Variants in ASPH observed in about 807,000 individuals in gnomAD.
The protein encoded by ASPH is aspartate beta-hydroxylase.
A neutral mutation model predicts 118.4 loss-of-function variants in ASPH; 100 were observed. The ratio of observed to expected loss-of-function variants is 0.84; its 90% CI spans 0.72 to 1.00. The LOEUF (loss-of-function observed/expected upper bound fraction) is 1.00. ASPH is among the 50% of genes least tolerant of loss of function. ASPH has a pLI of 0.00. For missense variants in ASPH, 920 were observed against 919.5 expected (o/e 1.00, Z -0.01); for synonymous variants, 315 against 325.6 (o/e 0.97, Z 0.35).
chr8:61,534,285 C>A (rs1249299592), intron 21 of ASPH, among the ~76,000 whole-genome samples: 1 of 152,148 alleles, frequency 6.6e-6, no homozygotes, highest in African/African-American at 2.4e-5. Context: ...ATTGAATTTT[C>A]TTTCTTTACT....
intron 14 of ASPH, among the ~76,000 whole-genome samples, chr8:61,600,059 C>A (rs1391326302): frequency 1.3e-5 from 2 of 151,886 alleles, no homozygotes; most frequent in African/African-American, 4.8e-5. Flanking sequence ...AATAACAGAC[C>A]ATGATCAAGT....
In ASPH at chr8:61,693,871, A is replaced by G. The variant is rs116746740; in HGVS notation, c.104-9683T>C. Among the ~76,000 whole-genome samples, 422 of 152,206 alleles carry G rather than the reference A, an allele frequency of 2.8e-3. 2 individuals carry two copies. The highest frequency in any genetic ancestry group is 9.8e-3 in the African/African-American group (405 of 41,508). ...ACTCATGAGCCTTTGTTGCTCCTCT[A>G]TCAGTTCACTGCGTGGACTGCCGTG... On this transcript the variant is annotated intron_variant, in intron 1 of 24. Transcript: ENST00000379454.
At chr8:61,608,605 A>G (rs1419121880) in intron 14 of ASPH, among the ~76,000 whole-genome samples, 2 of 152,182 alleles carry the variant, frequency 1.3e-5, no homozygotes, top group East Asian at 3.8e-4. Flanking sequence ...GGATTCAAAT[A>G]TTGTCAAAAA....
At chr8:61,531,267 G>A (rs1010739386) in intron 21 of ASPH, among the ~76,000 whole-genome samples, 28 of 151,930 alleles carry the variant, frequency 1.8e-4, no homozygotes, top group Non-Finnish European at 3.5e-4. Context: ...TAACCCTCCC[G>A]CAGCCATTTG....
intron 10 of ASPH, among the ~76,000 whole-genome samples, chr8:61,641,566 C>T (rs994277402): frequency 3.3e-5 from 5 of 152,142 alleles, no homozygotes; most frequent in African/African-American, 1.2e-4. Flanking sequence ...ACCTTAAAGA[C>T]ACAACCTAGG....
At chr8:61,558,259 T>A (rs1042731571) in intron 18 of ASPH, among the ~76,000 whole-genome samples, 2 of 152,088 alleles carry the variant, frequency 1.3e-5, no homozygotes, top group African/African-American at 4.8e-5. Context: ...CTGAAAGGTA[T>A]TTAGGGATAA....
At chr8:61,596,649 G>A (rs1842587707) in intron 14 of ASPH, among the ~76,000 whole-genome samples, 1 of 152,156 alleles carries the variant, frequency 6.6e-6, no homozygotes, top group Non-Finnish European at 1.5e-5. Context: ...ACACAGCCAA[G>A]GAAATCATAC....
intron 1 of ASPH, among the ~76,000 whole-genome samples, chr8:61,713,417 C>A (rs979005260): frequency 5.9e-5 from 9 of 152,164 alleles, no homozygotes; most frequent in East Asian, 1.9e-4. Context: ...AATGCATGAT[C>A]TGAAGATCTC....
intron 3 of ASPH, among the ~76,000 whole-genome samples, chr8:61,677,628 C>T (rs943962965): frequency 6.6e-6 from 1 of 152,116 alleles, no homozygotes; most frequent in Non-Finnish European, 1.5e-5. Context: ...ACGCAAATTG[C>T]AGTTGGTATT....
intron 24 of ASPH, among the ~76,000 whole-genome samples, chr8:61,515,669 T>A (rs1810636977): frequency 6.6e-6 from 1 of 152,162 alleles, no homozygotes; most frequent in Non-Finnish European, 1.5e-5. Context: ...AGCAACTAAA[T>A]AAAATACATA....
intron 14 of ASPH, 78 bp from the exon 15 acceptor site, chr8:61,584,107 T>A: frequency 1.1e-6 from 1 of 900,458 alleles, no homozygotes; most frequent in Non-Finnish European, 1.7e-6. Context: ...TTACAAGTAG[T>A]GGGAAACCTG....
chr8:61,553,003 G>C (rs1429029823), intron 20 of ASPH, 28 bp downstream of exon 20: 12 of 1,521,976 alleles, frequency 7.9e-6, no homozygotes, highest in African/African-American at 1.4e-5. Context: ...CTCTGTTAGA[G>C]AGAATCAGAA....
At chr8:61,541,678 T>A (rs1040409663) in intron 21 of ASPH, among the ~76,000 whole-genome samples, 1 of 151,888 alleles carries the variant, frequency 6.6e-6, no homozygotes, top group African/African-American at 2.4e-5. Context: ...TGACGTTACT[T>A]TTTTTTTAAG....
chr8:61,553,452 A>AT (rs1158257039), intron 19 of ASPH, among the ~76,000 whole-genome samples: 1 of 152,180 alleles, frequency 6.6e-6, no homozygotes, highest in Non-Finnish European at 1.5e-5. Flanking sequence ...TCTTACATTT[A>AT]TTTTGCTCTC....
intron 3 of ASPH, chr8:61,663,372 C>T: frequency 1.0e-6 from 1 of 985,436 alleles, no homozygotes; most frequent in Non-Finnish European, 1.2e-6. Context: ...GGAATTATCT[C>T]TCCCAGAGCC....
intron 14 of ASPH, among the ~76,000 whole-genome samples, chr8:61,599,971 A>G (rs910673956): frequency 6.6e-6 from 1 of 152,190 alleles, no homozygotes; most frequent in Non-Finnish European, 1.5e-5. Context: ...AGAACAACAA[A>G]AAAATACACA....
At position 61,577,546 on chromosome 8, in the gene ASPH, TA is replaced by T. The variant is rs944877927; in HGVS notation, c.1063-689del. Among the ~76,000 whole-genome samples the T allele has an allele frequency of 9.2e-5, 14 of 152,102 alleles. 1 individual carries two copies. Among genetic ancestry groups the T allele is most frequent in the African/African-American group, 3.4e-4 (14 of 41,412 alleles). On this transcript the variant is annotated intron_variant, in intron 15 of 24. Transcript: ENST00000379454. ...GTATTAGTCTGTTTTCACACTGCTATAAAAAATACCTGAGACTGGATAATTT... is the reference window on the plus strand; with the variant it reads ...GTATTAGTCTGTTTTCACACTGCTATAAAAATACCTGAGACTGGATAATTT...
At chr8:61,676,313 G>A in intron 3 of ASPH, 2 of 1,583,138 alleles carry the variant, frequency 1.3e-6, no homozygotes, top group Non-Finnish European at 1.7e-6. Context: ...GCCATCTTTG[G>A]TCAGGCCTAC....
At chr8:61,700,998 A>G (rs35165876) in intron 1 of ASPH, among the ~76,000 whole-genome samples, 16,506 of 152,244 alleles carry the variant, frequency 0.11, 1,013 homozygotes, top group Non-Finnish European at 0.14. Flanking sequence ...TGTATACAAC[A>G]TGTAACCCAG....
Sources: gnomAD v4.1 joint callset for allele counts (sites outside exome capture counted in the v4.1 genomes callset) on GRCh38, gnomAD v4.1.1 for gene constraint, MANE v1.5 for transcripts, NCBI Gene and HGNC (gene_info 2026-07-23, HGNC 2026-07-21) for gene names.